Variants in PRKCE observed in about 807,000 individuals in gnomAD.
PRKCE encodes the protein protein kinase C epsilon.
PRKCE carries 16 observed loss-of-function variants against 85.4 expected under a neutral mutation model. That is an observed-to-expected ratio of 0.19 (90% CI 0.13 to 0.28). The LOEUF is 0.28. Among genes scored for constraint, PRKCE ranks in the 10% least tolerant of loss-of-function variants. The pLI, the probability that PRKCE is intolerant of heterozygous loss-of-function variation, is 1.00. For synonymous variants in PRKCE, 388 were observed against 371.5 expected, an observed-to-expected ratio of 1.04 and a Z score of -0.51; for missense variants, 573 against 975.2, an observed-to-expected ratio of 0.59 and a Z score of 5.49.
chr2:45,908,484 T>C (rs1697147958), intron 2 of PRKCE, among the ~76,000 whole-genome samples: 1 of 152,212 alleles, frequency 6.6e-6, no homozygotes, highest in Non-Finnish European at 1.5e-5. Flanking sequence ...ATGGGAAAGA[T>C]GCATTGTGTT....
intron 2 of PRKCE, among the ~76,000 whole-genome samples, chr2:45,968,969 A>G (rs1701922025): frequency 6.6e-6 from 1 of 151,860 alleles, no homozygotes; most frequent in Non-Finnish European, 1.5e-5. Flanking sequence ...GAAGAACTGC[A>G]CGGTACAGAC....
intron 2 of PRKCE, among the ~76,000 whole-genome samples, chr2:45,939,592 A>G (rs1044809978): frequency 4.0e-5 from 6 of 151,292 alleles, no homozygotes; most frequent in East Asian, 1.9e-4. Context: ...GTCTCACTCT[A>G]TCGCTAGGCT....
chr2:45,884,448 A>G (rs1001411564), intron 2 of PRKCE, among the ~76,000 whole-genome samples: 1 of 152,218 alleles, frequency 6.6e-6, no homozygotes, highest in African/African-American at 2.4e-5. Context: ...CTGTTCTGCA[A>G]TCCTTGTGGT....
chr2:45,952,754 G>C (rs540584726), intron 2 of PRKCE, among the ~76,000 whole-genome samples: 2 of 152,208 alleles, frequency 1.3e-5, no homozygotes, highest in Non-Finnish European at 2.9e-5. Context: ...TTGACATGCA[G>C]CTTTCCAGGA....
chr2:45,870,717 G>T (rs760112576), intron 2 of PRKCE, among the ~76,000 whole-genome samples: 1 of 152,140 alleles, frequency 6.6e-6, no homozygotes, highest in Admixed American at 6.5e-5. Flanking sequence ...AGTTTCTATC[G>T]GTTACCTTAA....
intron 11 of PRKCE, among the ~76,000 whole-genome samples, chr2:46,134,661 G>A (rs1574561360): frequency 6.6e-6 from 1 of 152,220 alleles, no homozygotes; most frequent in Non-Finnish European, 1.5e-5. Flanking sequence ...AGGCCCTTGG[G>A]GATTAACTCA....
intron 10 of PRKCE, among the ~76,000 whole-genome samples, chr2:46,035,056 G>A (rs72876156): frequency 1.6e-3 from 243 of 152,322 alleles, no homozygotes; most frequent in African/African-American, 5.6e-3. Flanking sequence ...TTGTACCTCT[G>A]AAGCTGAAGG....
At chr2:46,032,652 T>C (rs992554225) in intron 10 of PRKCE, among the ~76,000 whole-genome samples, 9 of 152,212 alleles carry the variant, frequency 5.9e-5, no homozygotes, top group Admixed American at 1.3e-4. Context: ...AATGGTGTGT[T>C]GATGCTTGGA....
At chr2:46,024,461 G>A (rs1301914884) in intron 10 of PRKCE, among the ~76,000 whole-genome samples, 1 of 152,178 alleles carries the variant, frequency 6.6e-6, no homozygotes, top group Non-Finnish European at 1.5e-5. Flanking sequence ...AGTGTGGCAG[G>A]AGGTACAAAT....
intron 1 of PRKCE, among the ~76,000 whole-genome samples, chr2:45,657,003 C>G (rs1302521549): frequency 1.3e-5 from 2 of 152,166 alleles, no homozygotes; most frequent in Non-Finnish European, 2.9e-5. Flanking sequence ...GCATTTAGCA[C>G]AGGGGTGGGA....
At chr2:46,113,414 C>T (rs1433328335) in intron 11 of PRKCE, among the ~76,000 whole-genome samples, 1 of 152,216 alleles carries the variant, frequency 6.6e-6, no homozygotes, top group Non-Finnish European at 1.5e-5. Flanking sequence ...ATACCTTCCT[C>T]ACAGAATGTG....
At chr2:46,113,896 A>G (rs1672500432) in intron 11 of PRKCE, among the ~76,000 whole-genome samples, 1 of 152,200 alleles carries the variant, frequency 6.6e-6, no homozygotes, top group African/African-American at 2.4e-5. Context: ...GGGACCTCAG[A>G]TAGATGATTG....
rs115503323 is a variant in PRKCE, at chr2:46,109,931, T to A, written c.1592+23569T>A. On this transcript the variant is annotated intron_variant, in intron 11 of 14. Coordinates refer to ENST00000306156, the MANE Select transcript of PRKCE (RefSeq NM_005400.3). ...TGAATGGGTATTGGATTTTGTAAGA[T>A]GCTTCATCTGCATTAATTGATATGA... Among the ~76,000 whole-genome samples, 890 of 152,276 alleles carry A rather than the reference T, an allele frequency of 5.8e-3. 4 individuals carry two copies. Among genetic ancestry groups the A allele is most frequent in the Non-Finnish European group, 8.9e-3 (602 of 67,968 alleles).
chr2:45,672,000 G>A (rs1676188250), intron 1 of PRKCE, among the ~76,000 whole-genome samples: 2 of 148,822 alleles, frequency 1.3e-5, no homozygotes, highest in Admixed American at 6.7e-5. Context: ...AAGGTCAAAG[G>A]TACAATGAGC....
At chr2:45,726,572 A>T (rs1437742893) in intron 1 of PRKCE, among the ~76,000 whole-genome samples, 1 of 152,230 alleles carries the variant, frequency 6.6e-6, no homozygotes, top group Non-Finnish European at 1.5e-5. Flanking sequence ...TCGTACACAC[A>T]ATAGACTACA....
At chr2:46,165,588 A>G (rs577899041) in intron 14 of PRKCE, among the ~76,000 whole-genome samples, 4 of 152,336 alleles carry the variant, frequency 2.6e-5, no homozygotes, top group East Asian at 1.9e-4. Context: ...CTAATTGCCA[A>G]TAACAGTAGC....
chr2:45,811,596 G>A (rs1353885609), intron 1 of PRKCE, among the ~76,000 whole-genome samples: 1 of 152,094 alleles, frequency 6.6e-6, no homozygotes, highest in Non-Finnish European at 1.5e-5. Flanking sequence ...TTATCAATAG[G>A]ATAAAATAAA....
chr2:46,148,507 C>T (rs147478432), intron 12 of PRKCE, among the ~76,000 whole-genome samples: 56 of 152,364 alleles, frequency 3.7e-4, no homozygotes, highest in Non-Finnish European at 7.1e-4. Context: ...GCACAGAACC[C>T]AGCTGCCTCC....
At chr2:46,065,121 T>C (rs981887570) in intron 10 of PRKCE, among the ~76,000 whole-genome samples, 3 of 152,202 alleles carry the variant, frequency 2.0e-5, no homozygotes, top group African/African-American at 7.2e-5. Flanking sequence ...CAAGCTTCTT[T>C]TCTGCAAACA....
Sources: allele counts gnomAD v4.1 joint callset (sites outside exome capture counted in the v4.1 genomes callset), GRCh38; gene constraint gnomAD v4.1.1; transcripts MANE v1.5; gene names NCBI Gene and HGNC (gene_info 2026-07-23, HGNC 2026-07-21).